GPR137C: variants seen among roughly 807,000 people sequenced by gnomAD.
GPR137C encodes the protein G protein-coupled receptor 137C, also known as integral membrane protein GPR137C.
A neutral mutation model predicts 43.4 loss-of-function variants in GPR137C; 27 were observed. The ratio of observed to expected loss-of-function variants is 0.62; its 90% CI spans 0.46 to 0.86. GPR137C has a LOEUF of 0.86. Among genes scored for constraint, GPR137C ranks in the 40% least tolerant of loss-of-function variants. The pLI is 0.00. For synonymous variants in GPR137C, 285 were observed against 226.9 expected (o/e 1.26, Z -2.30); for missense variants, 522 against 534.6 (o/e 0.98, Z 0.23).
chr14:52,558,012 C>G (rs1345824420), intron 1 of GPR137C, among the ~76,000 whole-genome samples: 1 of 151,778 alleles, frequency 6.6e-6, no homozygotes, highest in African/African-American at 2.4e-5. Context: ...GCCAGGTCAT[C>G]TGGCCTACCA....
chr14:52,614,962 G>T (rs1054125691), intron 3 of GPR137C, among the ~76,000 whole-genome samples: 1 of 152,052 alleles, frequency 6.6e-6, no homozygotes, highest in African/African-American at 2.4e-5. Flanking sequence ...TTTTTAACTC[G>T]ATAGGATCCA....
intron 1 of GPR137C, among the ~76,000 whole-genome samples, chr14:52,594,852 C>A (rs1305153333): frequency 6.6e-6 from 1 of 152,120 alleles, no homozygotes; most frequent in Admixed American, 6.5e-5. Context: ...TGAATTTGAT[C>A]CTGTCATTAT....
At chr14:52,594,575 C>T (rs1167789623) in intron 1 of GPR137C, among the ~76,000 whole-genome samples, 1 of 152,180 alleles carries the variant, frequency 6.6e-6, no homozygotes, top group Non-Finnish European at 1.5e-5. Flanking sequence ...TCAGTAATGG[C>T]CTTCTTTGTC....
chr14:52,563,605 C>T (rs753284057), intron 1 of GPR137C, among the ~76,000 whole-genome samples: 1 of 152,180 alleles, frequency 6.6e-6, no homozygotes, highest in Non-Finnish European at 1.5e-5. Flanking sequence ...GTTTGCGCCA[C>T]TGTACTCCAG....
At chr14:52,620,023 G>A (rs1301427922) in intron 3 of GPR137C, among the ~76,000 whole-genome samples, 1 of 152,034 alleles carries the variant, frequency 6.6e-6, no homozygotes, top group African/African-American at 2.4e-5. Context: ...CATAAATTCT[G>A]GACAAAGTGT....
intron 1 of GPR137C, among the ~76,000 whole-genome samples, chr14:52,589,244 G>T (rs1470263956): frequency 2.0e-5 from 3 of 152,156 alleles, no homozygotes; most frequent in African/African-American, 7.2e-5. Context: ...ATGGGGAGTT[G>T]TTGTTTAATG....
intron 1 of GPR137C, among the ~76,000 whole-genome samples, chr14:52,588,209 A>G (rs996638989): frequency 9.9e-5 from 15 of 152,144 alleles, no homozygotes; most frequent in African/African-American, 3.1e-4. Flanking sequence ...CAGTGATGCA[A>G]TCTTGGCTCA....
chr14:52,574,200 T>C (rs184287129), intron 1 of GPR137C, among the ~76,000 whole-genome samples: 44 of 152,228 alleles, frequency 2.9e-4, no homozygotes, highest in African/African-American at 1.0e-3. Context: ...CCATTTGACC[T>C]AGCAATCCCA....
chr14:52,607,931 C>T (rs1380106650), intron 3 of GPR137C, among the ~76,000 whole-genome samples: 1 of 151,712 alleles, frequency 6.6e-6, no homozygotes, highest in African/African-American at 2.4e-5. Flanking sequence ...TATAGCTCTT[C>T]CTACTCCTTT....
intron 1 of GPR137C, among the ~76,000 whole-genome samples, chr14:52,578,852 G>A (rs893140830): frequency 6.6e-6 from 1 of 152,064 alleles, no homozygotes; most frequent in Non-Finnish European, 1.5e-5. Flanking sequence ...GCTGAGGCTG[G>A]AGAATCTCTT....
chr14:52,587,441 A>G (rs994861543), intron 1 of GPR137C, among the ~76,000 whole-genome samples: 4 of 152,200 alleles, frequency 2.6e-5, no homozygotes, highest in African/African-American at 4.8e-5. Context: ...ACAGAGATAT[A>G]AAATTGAACC....
intron 3 of GPR137C, among the ~76,000 whole-genome samples, chr14:52,630,333 G>T (rs2039280130): frequency 6.6e-6 from 1 of 152,092 alleles, no homozygotes; most frequent in African/African-American, 2.4e-5. Flanking sequence ...AACTTTTGCA[G>T]TTATTTTTGA....
intron 1 of GPR137C, among the ~76,000 whole-genome samples, chr14:52,564,972 T>C (rs2038344519): frequency 6.6e-6 from 1 of 151,802 alleles, no homozygotes; most frequent in Admixed American, 6.6e-5. Context: ...AGTCCCAAAA[T>C]CAGATGCCTA....
chr14:52,597,305 C>T (rs1035299914), intron 1 of GPR137C, among the ~76,000 whole-genome samples: 5 of 152,158 alleles, frequency 3.3e-5, no homozygotes, highest in Non-Finnish European at 7.3e-5. Context: ...ACTCTGAGCT[C>T]CTAGAGAGCA....
chr14:52,600,616 A>G (rs1274366105), intron 3 of GPR137C, among the ~76,000 whole-genome samples: 1 of 152,128 alleles, frequency 6.6e-6, no homozygotes, highest in Non-Finnish European at 1.5e-5. Flanking sequence ...TTTAAAAAAT[A>G]TCCTGAATGA....
intron 1 of GPR137C, among the ~76,000 whole-genome samples, chr14:52,584,538 A>G (rs1159786071): frequency 6.6e-6 from 1 of 152,114 alleles, no homozygotes; most frequent in Admixed American, 6.6e-5. Flanking sequence ...CATTTTTATT[A>G]TAGAAATGTG....
intron 1 of GPR137C, among the ~76,000 whole-genome samples, chr14:52,570,464 T>C (rs1478111415): frequency 1.3e-5 from 2 of 152,114 alleles, no homozygotes; most frequent in African/African-American, 2.4e-5. Flanking sequence ...CCAGCTAGCA[T>C]CATAATGACA....
rs1169877999 is a variant in GPR137C at position 52,637,311 on chromosome 14, AT to A, written c.*2197del. 1 of 152,156 alleles carries A rather than the reference AT, an allele frequency of 6.6e-6. No individual in the cohort carries two copies. The highest frequency in any genetic ancestry group is 6.6e-5 in the Admixed American group (1 of 15,258). The allele number at this position is 152,156 out of a possible 1,614,324, so 9.4% of individuals were successfully genotyped here. A position where few individuals can be genotyped will look rare whatever the true frequency, so the allele number is the denominator to read the frequency against. ...GGTCTCGAAAGGAGTTGTTTATAAA[AT>A]CAAAGGGCTACCGATTCCCTGTTCA... On this transcript the variant is annotated 3_prime_UTR_variant, in exon 7 of 7. Transcript: ENST00000321662.
intron 1 of GPR137C, among the ~76,000 whole-genome samples, chr14:52,575,976 G>A (rs570309068): frequency 2.6e-5 from 4 of 152,130 alleles, no homozygotes; most frequent in Non-Finnish European, 4.4e-5. Context: ...TGTGTTGTTC[G>A]GGGTTTTTAC....
Sources: allele counts gnomAD v4.1 joint callset (sites outside exome capture counted in the v4.1 genomes callset), GRCh38; gene constraint gnomAD v4.1.1; transcripts MANE v1.5; gene names NCBI Gene and HGNC (gene_info 2026-07-23, HGNC 2026-07-21).